SLC45A3: variants seen among roughly 807,000 people sequenced by gnomAD.
The protein encoded by SLC45A3 is solute carrier family 45 member 3, also known as prostate cancer associated protein 2.
In SLC45A3, 17 loss-of-function variants were observed where a neutral mutation model predicts 35.3. The observed-to-expected ratio is 0.48, with a 90% CI of 0.33 to 0.72. SLC45A3 has a LOEUF of 0.72. Among genes scored for constraint, SLC45A3 ranks in the 30% least tolerant of loss-of-function variants. SLC45A3 has a pLI of 0.02. For missense variants in SLC45A3, 597 were observed against 731.7 expected, an observed-to-expected ratio of 0.82 and a Z score of 2.12; for synonymous variants, 288 against 334.3, an observed-to-expected ratio of 0.86 and a Z score of 1.51.
chr1:205,676,246 AG>A (rs957035247), intron 1 of SLC45A3, among the ~76,000 whole-genome samples: 4 of 152,132 alleles, frequency 2.6e-5, no homozygotes, highest in African/African-American at 9.7e-5. Context: ...GGCCGGGGGC[AG>A]GGGGGCACAC....
At chr1:205,679,677 G>A (rs1772138) in intron 1 of SLC45A3, among the ~76,000 whole-genome samples, 84,242 of 145,448 alleles carry the variant, frequency 0.58, 26,520 homozygotes, top group Non-Finnish European at 0.72. Flanking sequence ...CTGAAAAGGG[G>A]ACACAGTAAC....
rs376830921 is a variant in SLC45A3, at chr1:205,662,794, G to A, written c.958+39C>T. 1.9e-5 allele frequency: 29 copies of A among 1,534,120 alleles called. No individual in the cohort carries two copies. The South Asian group carries it at 2.0e-4, about 11-fold the overall frequency. On this transcript the variant is annotated intron_variant, in intron 3 of 4. Coordinates refer to ENST00000367145, the MANE Select transcript of SLC45A3 (RefSeq NM_033102.3). The surrounding 1 kb of genome is among the most constrained non-coding windows in gnomAD (Gnocchi z 6.2). ...GCCCCGAGTGTCGTCTCTGGTGGGC[G>A]GCTCCCACACCAGCCTCTGCTGGCT...
chr1:205,663,793 T>G (rs1454074172), intron 2 of SLC45A3, among the ~76,000 whole-genome samples, 175 bp from the exon 3 acceptor site: 2 of 151,974 alleles, frequency 1.3e-5, no homozygotes, highest in Non-Finnish European at 2.9e-5. Flanking sequence ...GATGCCCCCA[T>G]TTTCAGATGG....
In SLC45A3 at chr1:205,669,548, GC is replaced by G. The variant is rs1671173485; in HGVS notation, c.-230-4663del. Among the ~76,000 whole-genome samples, 2 of 152,138 alleles carry G rather than the reference GC, an allele frequency of 1.3e-5. No individual in the cohort carries two copies. Among genetic ancestry groups the G allele is most frequent in the African/African-American group, 2.4e-5 (1 of 41,434 alleles). On this transcript the variant is annotated intron_variant, in intron 1 of 4. Transcript: ENST00000367145. This position sits in a 1 kb window ranked among gnomAD's most constrained non-coding sequence, Gnocchi z 4.1. ...CCCGTGGAAGCCCAGGCTGGGGGCA[GC>G]CCCCACCCCGGGCCTGTGTCATGCA...
chr1:205,663,624 AG>A lies in SLC45A3; in HGVS notation c.173-7del. ...GCCCAGCACTGGACCAATGCCTGCAAGAAGGGAAGTAGTATGAGTCAATGGC... is the reference window on the plus strand; with the variant it reads ...GCCCAGCACTGGACCAATGCCTGCAAAAGGGAAGTAGTATGAGTCAATGGC... On this transcript the variant is annotated splice_polypyrimidine_tract_variant and splice_region_variant and intron_variant, in intron 2 of 4. Transcript: ENST00000367145. The A allele has an allele frequency of 6.4e-7, 1 of 1,560,570 alleles. No homozygotes were observed. The highest frequency in any genetic ancestry group is 1.2e-5 in the South Asian group (1 of 84,118).
At chr1:205,674,633 A>G (rs1671280549) in intron 1 of SLC45A3, among the ~76,000 whole-genome samples, 1 of 151,708 alleles carries the variant, frequency 6.6e-6, no homozygotes, top group Admixed American at 6.6e-5. Context: ...AAAAAAGAGA[A>G]AAGCATACAA....
intron 2 of SLC45A3, among the ~76,000 whole-genome samples, 186 bp from the exon 3 acceptor site, chr1:205,663,804 A>G (rs11240547): frequency 0.45 from 68,099 of 151,954 alleles, 19,145 homozygotes; most frequent in Non-Finnish European, 0.63. Flanking sequence ...TTTCAGATGG[A>G]CAAACTGAGG....
intron 4 of SLC45A3, among the ~76,000 whole-genome samples, chr1:205,660,592 G>A (rs1283475577): frequency 1.3e-5 from 2 of 152,084 alleles, no homozygotes; most frequent in African/African-American, 2.4e-5. Flanking sequence ...TGCCAAGTCT[G>A]CCATCAGCTG....
At chr1:205,661,714 G>C in intron 4 of SLC45A3, 147 bp downstream of exon 4, 2 of 1,193,262 alleles carry the variant, frequency 1.7e-6, no homozygotes, top group African/African-American at 1.5e-5. Flanking sequence ...CCAAGCCTCT[G>C]GCCCTGGGGC....
Position 205,663,038 on chromosome 1 carries a change from C to T in SLC45A3, c.753G>A (p.Arg251=), listed in dbSNP as rs139592793. ...GCCGGGGAAGCAGGGCGCCCAGGTT[C>T]CGGAAAGCCAAGCGGGCCCGGCATG... ...CCPCRARLAF[R]NLGALLPRLH... The change falls in exon 3 of 5, where the codon CGG becomes CGA. Residue 251 remains arginine (R), a synonymous_variant. Coordinates refer to ENST00000367145, the MANE Select transcript of SLC45A3 (RefSeq NM_033102.3). 6.0e-4 allele frequency: 964 copies of T among 1,609,560 alleles called. No individual in the cohort carries two copies. The highest frequency in any genetic ancestry group is 7.7e-4 in the Non-Finnish European group (910 of 1,177,466).
At chr1:205,670,206 G>A (rs1240227110) in intron 1 of SLC45A3, among the ~76,000 whole-genome samples, 1 of 152,240 alleles carries the variant, frequency 6.6e-6, no homozygotes, top group Non-Finnish European at 1.5e-5. Context: ...GTGAGACAAT[G>A]CGCTCCCCAT....
At position 205,663,554 on chromosome 1, in the gene SLC45A3, A is replaced by G; in HGVS notation, c.237T>C (p.Arg79=). ...AGGGCCGGCGGCGGCCATAGCGTCC[A>G]CGCCAGTGGTCACTGGCTGAGCCTA... is the stretch of plus-strand genomic sequence containing the variant. ...PLLGSASDHW[R]GRYGRRRPFI... The change falls in exon 3 of 5, where the codon CGT becomes CGC. Residue 79 remains arginine (R), a synonymous_variant. Coordinates refer to ENST00000367145, the MANE Select transcript of SLC45A3 (RefSeq NM_033102.3). 1 of 1,612,468 alleles carries G rather than the reference A, an allele frequency of 6.2e-7. No homozygotes were observed. The highest frequency in any genetic ancestry group is 8.5e-7 in the Non-Finnish European group (1 of 1,179,878).
At chr1:205,676,737 C>A (rs1671319934) in intron 1 of SLC45A3, among the ~76,000 whole-genome samples, 1 of 152,156 alleles carries the variant, frequency 6.6e-6, no homozygotes, top group Admixed American at 6.5e-5. Flanking sequence ...GAAGTTCTGG[C>A]CAGGGATCAG....
Position 205,663,251 on chromosome 1 carries a change from G to C in SLC45A3, c.540C>G (p.Ala180=), listed in dbSNP as rs1341621091. 6.2e-7 allele frequency: 1 copy of C among 1,613,540 alleles called. No homozygotes were observed. The change falls in exon 3 of 5, where the codon GCC becomes GCG. Residue 180 remains alanine (A), a synonymous_variant. Coordinates refer to ENST00000367145, the MANE Select transcript of SLC45A3 (RefSeq NM_033102.3). ...CCAGGGCACTGGTGTCCCAGTCAAT[G>C]GCAGGCAGGAGGTAGCCCAGGCAGC... The part of the protein sequence containing the change: ...LGGCLGYLLP[A]IDWDTSALAP...
Position 205,669,144 on chromosome 1 carries a change from G to T in SLC45A3, c.-230-4258C>A, listed in dbSNP as rs61111606. Among the ~76,000 whole-genome samples, 1 of 152,290 alleles carries T rather than the reference G, an allele frequency of 6.6e-6. No homozygotes were observed. Among genetic ancestry groups the T allele is most frequent in the Non-Finnish European group, 1.5e-5 (1 of 68,016 alleles). ...TAAGTCCTCCTCCTCCCACGTGCTC[G>T]CCACACACCGAGGACTTTGCAGGCC... On this transcript the variant is annotated intron_variant, in intron 1 of 4. Coordinates refer to ENST00000367145, the MANE Select transcript of SLC45A3 (RefSeq NM_033102.3). The surrounding 1 kb of genome is among the most constrained non-coding windows in gnomAD (Gnocchi z 4.1).
chr1:205,659,186 C>G lies in SLC45A3; in HGVS notation c.*48G>C, dbSNP rs1460544188. ...CCATGGGGCTAACAGGAGCGGGGAG[C>G]TGGGACCCAGTGAGGCAGGCCCTCC... On this transcript the variant is annotated 3_prime_UTR_variant, in exon 5 of 5. Transcript: ENST00000367145. The surrounding 1 kb of genome is among the most constrained non-coding windows in gnomAD (Gnocchi z 5.8). 7 of 1,551,654 alleles carry G rather than the reference C, an allele frequency of 4.5e-6. No individual in the cohort carries two copies. The highest frequency in any genetic ancestry group is 1.2e-5 in the South Asian group (1 of 81,250).
rs1264881379 is a variant in SLC45A3 at position 205,663,441 on chromosome 1, G to A, written c.350C>T (p.Pro117Leu). The change falls in exon 3 of 5, where the codon CCC (proline) becomes CTC (leucine). Residue 117 changes from proline (P) to leucine (L), a missense_variant. Coordinates refer to ENST00000367145, the MANE Select transcript of SLC45A3 (RefSeq NM_033102.3). ...GWLAGLLCPD[P>L]RPLELALLIL... is the part of the protein sequence containing the mutation. ...GAGCAGTGCCAGCTCCAGGGGCCTG[G>A]GATCCGGGCACAGCAGCCCTGCTAG... 2.5e-6 allele frequency: 4 copies of A among 1,612,704 alleles called. No homozygotes were observed. In the Admixed American group the frequency reaches 5.0e-5, roughly 20 times the overall value.
At chr1:205,663,765 C>T (rs1671070870) in intron 2 of SLC45A3, 147 bp from the exon 3 acceptor site, 6 of 845,006 alleles carry the variant, frequency 7.1e-6, no homozygotes, top group Admixed American at 3.0e-5. Flanking sequence ...ATTTACTCCT[C>T]ATAACACAGG....
In SLC45A3 at chr1:205,669,667, C is replaced by T. The variant is rs1671176832; in HGVS notation, c.-230-4781G>A. Among the ~76,000 whole-genome samples, 1 of 152,182 alleles carries T rather than the reference C, an allele frequency of 6.6e-6. No individual in the cohort carries two copies. The highest frequency in any genetic ancestry group is 1.5e-5 in the Non-Finnish European group (1 of 68,030). On this transcript the variant is annotated intron_variant, in intron 1 of 4. Transcript: ENST00000367145. This position sits in a 1 kb window ranked among gnomAD's most constrained non-coding sequence, Gnocchi z 4.1. Reference sequence around the variant, plus strand: ...CCCCACCCTGACCCCGCAGGCTCAGCGACCCTGCGTGTTCCCTGCACACTC... The same window carrying T: ...CCCCACCCTGACCCCGCAGGCTCAGTGACCCTGCGTGTTCCCTGCACACTC...
Sources: allele counts gnomAD v4.1 joint callset (sites outside exome capture counted in the v4.1 genomes callset), GRCh38; gene constraint gnomAD v4.1.1; non-coding constraint Gnocchi (gnomAD v3.1); transcripts MANE v1.5; gene names NCBI Gene and HGNC (gene_info 2026-07-23, HGNC 2026-07-21).